The following ABHD5 variants were observed in gnomAD, a reference collection of about 807,000 sequenced individuals.
ABHD5 encodes the protein 1-acylglycerol-3-phosphate O-acyltransferase ABHD5.
A neutral mutation model predicts 44.9 loss-of-function variants in ABHD5; 30 were observed. The ratio of observed to expected loss-of-function variants is 0.67; its 90% confidence interval spans 0.50 to 0.91. The LOEUF (loss-of-function observed/expected upper bound fraction) is 0.91, where lower values mean the gene tolerates loss of function less well. Ranked by LOEUF, ABHD5 falls within the 40% of genes least tolerant of loss-of-function variation. ABHD5 has a pLI of 0.00. For missense variants in ABHD5, 399 were observed against 423.4 expected (o/e 0.94, Z 0.50); for synonymous variants, 167 against 147.0 (o/e 1.14, Z -0.99).
In ABHD5 at chr3:43,701,107, T is replaced by G. The variant is rs72866863; in HGVS notation, c.134-1108T>G. Among the ~76,000 whole-genome samples the G allele has an allele frequency of 2.6e-3, 394 of 152,340 alleles. 1 individual carries two copies. The highest frequency in any genetic ancestry group is 9.0e-3 in the African/African-American group (373 of 41,588). ...ATGTGAATTGGTCTCTGCTTTAGTG[T>G]CAGACATGAAAGTAAGCTACGGTGG... On this transcript the variant is annotated intron_variant, in intron 2 of 6. Transcript: ENST00000644371.
At chr3:43,698,202 A>G (rs1045258301) in intron 1 of ABHD5, among the ~76,000 whole-genome samples, 4 of 152,248 alleles carry the variant, frequency 2.6e-5, no homozygotes, top group Non-Finnish European at 5.9e-5. Flanking sequence ...ACGCCTGGGA[A>G]TCCTTATTAT....
At chr3:43,729,500 A>G (rs2084899318) in intron 7 of ABHD5, among the ~76,000 whole-genome samples, 1 of 152,256 alleles carries the variant, frequency 6.6e-6, no homozygotes, top group Non-Finnish European at 1.5e-5. Context: ...CAGAGAGGTT[A>G]AGTGACTTGC....
rs2084833800 is a variant in ABHD5, at chr3:43,721,364, G to A, written c.*2832G>A. 6.6e-6 allele frequency: 1 copy of A among 152,046 alleles called. No homozygotes were observed. The highest frequency in any genetic ancestry group is 1.5e-5 in the Non-Finnish European group (1 of 68,018). The allele number at this position is 152,046 out of a possible 1,614,324, so 9.4% of individuals were successfully genotyped here. On this transcript the variant is annotated 3_prime_UTR_variant, in exon 7 of 7. Coordinates refer to ENST00000644371, the MANE Select transcript of ABHD5 (RefSeq NM_016006.6). The stretch of plus-strand genomic sequence containing the variant: ...TAGAAGAAAACATAGATGAATTATT[G>A]TATAATCTGACAGTGAGAAAAACTT...
chr3:43,712,702 T>A (rs991810863), intron 4 of ABHD5, among the ~76,000 whole-genome samples: 2 of 152,188 alleles, frequency 1.3e-5, no homozygotes, highest in African/African-American at 4.8e-5. Context: ...CTCATTGATG[T>A]TAGGGTTTGG....
intron 7 of ABHD5, among the ~76,000 whole-genome samples, chr3:43,728,585 A>G (rs1238508659): frequency 6.6e-6 from 1 of 152,196 alleles, no homozygotes; most frequent in East Asian, 1.9e-4. Flanking sequence ...CTTATTTACT[A>G]CCCAGAGACT....
At chr3:43,707,409 G>A (rs1206414524) in intron 3 of ABHD5, among the ~76,000 whole-genome samples, 3 of 152,124 alleles carry the variant, frequency 2.0e-5, no homozygotes, top group Non-Finnish European at 4.4e-5. Flanking sequence ...GCCCTCTGCT[G>A]TTCTAGGAAA....
At chr3:43,692,458 AG>A (rs1184416938) in intron 1 of ABHD5, among the ~76,000 whole-genome samples, 1 of 152,240 alleles carries the variant, frequency 6.6e-6, no homozygotes, top group Non-Finnish European at 1.5e-5. Context: ...CTTGGAGTCC[AG>A]GACACAATCG....
chr3:43,692,595 A>T (rs943111978), intron 1 of ABHD5, among the ~76,000 whole-genome samples: 3 of 152,220 alleles, frequency 2.0e-5, no homozygotes, highest in African/African-American at 7.2e-5. Context: ...TCTTGGCAAT[A>T]TGCTTTAGCA....
rs78532050 is a variant in ABHD5, at chr3:43,713,322, C to CAAA, written c.661+1477_661+1479dup. The stretch of plus-strand genomic sequence containing the variant: ...TGGGCAACAGTGCAAGACCCTGTCT[C>CAAA]AAAAAAAAAAAAAAAAAAAAGGAAA... On this transcript the variant is annotated intron_variant, in intron 4 of 6. Transcript: ENST00000644371. Among the ~76,000 whole-genome samples the CAAA allele has an allele frequency of 6.1e-3, 284 of 46,850 alleles. 3 individuals are homozygous for CAAA. Among genetic ancestry groups the CAAA allele is most frequent in the African/African-American group, 0.021 (274 of 13,062 alleles). The allele number at this position is 46,850 out of a possible 152,430, so 30.7% of individuals were successfully genotyped here.
intron 6 of ABHD5, 101 bp downstream of exon 6, chr3:43,717,958 TGAGCCATACCTGCAGCCTCAGTCG>T: frequency 1.3e-6 from 2 of 1,483,638 alleles, no homozygotes; most frequent in Non-Finnish European, 1.9e-6. Flanking sequence ...GCAGGTCATC[TGAGCCATACCTGCAGCCTCAGTCG>T]GGGACGTGAT....
intron 3 of ABHD5, among the ~76,000 whole-genome samples, chr3:43,704,033 CTTTTTTTTTTTTTT>C (rs10544525): frequency 4.7e-5 from 4 of 84,860 alleles, no homozygotes; most frequent in African/African-American, 2.0e-4. Context: ...TCTTTATTTT[CTTTTTTTTTTTTTT>C]TTTTTTTTGA....
In ABHD5 at chr3:43,711,793, G is replaced by A. The variant is rs767648866; in HGVS notation, c.591G>A (p.Trp197Ter). The change falls in exon 4 of 7, where the codon TGG becomes TGA. Residue 197 changes from tryptophan to a stop codon, truncating the protein, a stop_gained. Transcript: ENST00000644371. LOFTEE classifies it high-confidence loss of function. ...ATCAAGACAGACCAATTCCAGTTTGGATCAGAGCCTTGGGAGCAGCATTGA... is the reference window on the plus strand; with the variant it reads ...ATCAAGACAGACCAATTCCAGTTTGAATCAGAGCCTTGGGAGCAGCATTGA... ...LADQDRPIPV[W>*]IRALGAALTP... The A allele has an allele frequency of 3.7e-6, 6 of 1,614,200 alleles. No homozygotes were observed. The highest frequency in any genetic ancestry group is 5.1e-6 in the Non-Finnish European group (6 of 1,180,038).
intron 1 of ABHD5, among the ~76,000 whole-genome samples, chr3:43,697,654 G>A (rs1252338694): frequency 1.3e-5 from 2 of 152,130 alleles, no homozygotes; most frequent in Non-Finnish European, 2.9e-5. Flanking sequence ...GTAATCATAT[G>A]AAATTTTGAG....
rs779669249 is a variant in ABHD5 at position 43,702,276 on chromosome 3, A to G, written c.195A>G (p.Thr65=). 14 of 1,600,692 alleles carry G rather than the reference A, an allele frequency of 8.7e-6. No individual in the cohort carries two copies. In the African/African-American group the frequency reaches 9.4e-5, roughly 11 times the overall value. Reference sequence around the variant, plus strand: ...TATCTAATGGAAATAAAATATGGACACTGAAGTTCTCTCATAATATTTCAA... The same window carrying G: ...TATCTAATGGAAATAAAATATGGACGCTGAAGTTCTCTCATAATATTTCAA... ...VRISNGNKIW[T]LKFSHNISNK... Residue 65 remains threonine (T), a synonymous_variant, in exon 3 of 7, where the codon ACA becomes ACG. Coordinates refer to ENST00000644371, the MANE Select transcript of ABHD5 (RefSeq NM_016006.6).
At chr3:43,717,016 C>CA (rs1208612854) in intron 5 of ABHD5, among the ~76,000 whole-genome samples, 1 of 151,926 alleles carries the variant, frequency 6.6e-6, no homozygotes, top group Non-Finnish European at 1.5e-5. Flanking sequence ...ACTGAAAATA[C>CA]AAAAATTAGC....
intron 3 of ABHD5, among the ~76,000 whole-genome samples, chr3:43,706,828 CCTTA>C (rs1232699651): frequency 3.3e-5 from 5 of 152,148 alleles, no homozygotes; most frequent in Non-Finnish European, 7.4e-5. Context: ...AATGACAGCT[CCTTA>C]CTTTCCGTTT....
rs183518530 is a variant in ABHD5, at chr3:43,720,716, C to A, written c.*2184C>A. The A allele has an allele frequency of 2.6e-5, 4 of 152,212 alleles. No homozygotes were observed. In the East Asian group the frequency reaches 7.7e-4, roughly 29 times the overall value. 9.4% of individuals were successfully genotyped at this position (152,212 alleles called of 1,614,324 possible). A position where few individuals can be genotyped will look rare whatever the true frequency, so the allele number is the denominator to read the frequency against. On this transcript the variant is annotated 3_prime_UTR_variant, in exon 7 of 7. Coordinates refer to ENST00000644371, the MANE Select transcript of ABHD5 (RefSeq NM_016006.6). ...TCACAACAAGACAGCTGTATAGTTT[C>A]TTGAGTCTTTTGTATGGACCAGTCT... is the stretch of plus-strand genomic sequence containing the variant.
downstream of ABHD5, among the ~76,000 whole-genome samples, chr3:43,723,120 G>A (rs983468751): frequency 2.6e-5 from 4 of 152,032 alleles, no homozygotes; most frequent in African/African-American, 9.7e-5. Flanking sequence ...GCCAAAGATG[G>A]GTTAAATGTG....
Position 43,714,956 on chromosome 3 carries a change from T to C in ABHD5, c.671T>C (p.Leu224Pro). The part of the protein sequence containing the change: ...LRIAGPFGLS[L>P]VQRLRPDFKR... ...ATTTCCTGTTAAATAGGTTTAAGTC[T>C]AGTGCAGCGTTTAAGGCCTGATTTC... The change falls in exon 5 of 7, where the codon CTA becomes CCA. Residue 224 changes from leucine (L) to proline (P), a missense_variant. Physicochemically the swap from Leu to Pro is moderately conservative, Grantham distance 98 (BLOSUM62 -3). Transcript: ENST00000644371. The C allele has an allele frequency of 6.2e-7, 1 of 1,612,226 alleles. No homozygotes were observed. The highest frequency in any genetic ancestry group is 8.5e-7 in the Non-Finnish European group (1 of 1,178,472).
Sources: allele counts gnomAD v4.1 joint callset (sites outside exome capture counted in the v4.1 genomes callset), GRCh38; gene constraint gnomAD v4.1.1; transcripts MANE v1.5; gene names NCBI Gene and HGNC (gene_info 2026-07-23, HGNC 2026-07-21).